CAPRIN2: variants seen among roughly 807,000 people sequenced by gnomAD.
CAPRIN2 encodes caprin family member 2.
Under a neutral mutation model 130.4 loss-of-function variants are expected in CAPRIN2, and 66 were observed. That is an observed-to-expected ratio of 0.51 (90% CI 0.42 to 0.62). CAPRIN2 has a LOEUF of 0.62. Ranked by LOEUF, CAPRIN2 falls within the 20% of genes least tolerant of loss-of-function variation. The pLI, the probability that CAPRIN2 is intolerant of heterozygous loss-of-function variation, is 0.00. For synonymous variants in CAPRIN2, 471 were observed against 444.1 expected (o/e 1.06, Z -0.76); for missense variants, 1,185 against 1,246.6 (o/e 0.95, Z 0.74).
intron 3 of CAPRIN2, among the ~76,000 whole-genome samples, chr12:30,737,598 CTTTTTTT>C (rs11304850): frequency 1.5e-5 from 2 of 131,244 alleles, no homozygotes; most frequent in Non-Finnish European, 3.2e-5. Flanking sequence ...AACTGGTTTT[CTTTTTTT>C]TTTTTTTTTT....
chr12:30,754,628 C>A, upstream of CAPRIN2: 1 of 152,608 alleles, frequency 6.6e-6, no homozygotes, highest in South Asian at 2.0e-4. Context: ...CCCGCCCCGC[C>A]CCGGGGATGC....
chr12:30,712,903 G>A (rs889899792), intron 15 of CAPRIN2, among the ~76,000 whole-genome samples: 2 of 152,060 alleles, frequency 1.3e-5, no homozygotes, highest in Admixed American at 6.6e-5. Context: ...ACCACGTCCG[G>A]CTAATTTTGA....
Position 30,711,891 on chromosome 12 carries a change from T to C in CAPRIN2, c.2602-262A>G, listed in dbSNP as rs1591891780. On this transcript the variant is annotated intron_variant, in intron 15 of 16. Coordinates refer to ENST00000298892, the Ensembl canonical transcript of CAPRIN2. ...GAAAAACAACAAAGCACTTGGAGAA[T>C]ACTATGTAAAAGATACAATGCTAGG... 3.5e-5 allele frequency: 21 copies of C among 596,302 alleles called. 1 individual carries two copies. In the East Asian group the frequency reaches 7.6e-4, roughly 22 times the overall value. 36.9% of individuals were successfully genotyped at this position (596,302 alleles called of 1,614,324 possible). A position where few individuals can be genotyped will look rare whatever the true frequency, so the allele number is the denominator to read the frequency against.
chr12:30,715,592 GTAA>G (rs769788377), intron 13 of CAPRIN2: 15 of 370,294 alleles, frequency 4.1e-5, no homozygotes, highest in Non-Finnish European at 4.7e-5. Flanking sequence ...GTGGACAGTG[GTAA>G]TAATTACACA....
chr12:30,754,818 G>C (rs1197034315), upstream of CAPRIN2: 5 of 151,850 alleles, frequency 3.3e-5, no homozygotes, highest in South Asian at 8.0e-4. Context: ...GGGGAGGCAG[G>C]AGCGCTGCGG....
rs2060804732 is a variant in CAPRIN2 at position 30,725,927 on chromosome 12, C to T, written c.1905+39G>A. The T allele has an allele frequency of 2.0e-6, 3 of 1,472,330 alleles. No homozygotes were observed. The African/African-American group carries it at 4.3e-5, about 21-fold the overall frequency. The allele number at this position is 1,472,330 out of a possible 1,614,324, so 91.2% of individuals were successfully genotyped here. A position where few individuals can be genotyped will look rare whatever the true frequency, so the allele number is the denominator to read the frequency against. ...CACTGTAATGTTTCCAGTCAGAAGC[C>T]CCATGAATATCATTTAAGATTTTGT... On this transcript the variant is annotated intron_variant, in intron 9 of 16. Coordinates refer to ENST00000298892, the Ensembl canonical transcript of CAPRIN2.
intron 9 of CAPRIN2, 86 bp from the exon 11 acceptor site, chr12:30,724,537 A>G (rs1293404956): frequency 4.6e-6 from 4 of 874,900 alleles, no homozygotes; most frequent in Non-Finnish European, 7.5e-6. Flanking sequence ...GATGCTGCCT[A>G]TAGTCTATTA....
chr12:30,733,812 C>A, intron 4 of CAPRIN2, 101 bp from the exon 6 acceptor site: 1 of 774,984 alleles, frequency 1.3e-6, no homozygotes, highest in South Asian at 1.6e-5. Flanking sequence ...ACAAGACATT[C>A]AAATGTTAAT....
exon 1 of CAPRIN2, chr12:30,753,884 A>G: frequency 1.1e-6 from 1 of 907,452 alleles, no homozygotes; most frequent in Admixed American, 2.4e-5. Context: ...AAGAACTGCA[A>G]CGGCTTCAGA....
At chr12:30,747,346 A>G (rs1477805114) in intron 2 of CAPRIN2, among the ~76,000 whole-genome samples, 1 of 152,220 alleles carries the variant, frequency 6.6e-6, no homozygotes, top group African/African-American at 2.4e-5. Context: ...TCTGCAGCCC[A>G]TGGATCAAGG....
At chr12:30,716,486 A>T in intron 13 of CAPRIN2, 22 bp downstream of exon 15, 1 of 1,609,158 alleles carries the variant, frequency 6.2e-7, no homozygotes, top group South Asian at 1.1e-5. Context: ...AGTCTTCCAA[A>T]TATCATATGC....
chr12:30,739,981 A>G (rs1293552196), intron 3 of CAPRIN2, among the ~76,000 whole-genome samples: 4 of 152,248 alleles, frequency 2.6e-5, no homozygotes, highest in Non-Finnish European at 4.4e-5. Context: ...AAAATTTTAA[A>G]TATCATAAAA....
At chr12:30,730,354 T>G in intron 6 of CAPRIN2, 72 bp from the exon 8 acceptor site, 1 of 1,033,410 alleles carries the variant, frequency 9.7e-7, no homozygotes, top group Non-Finnish European at 1.5e-6. Flanking sequence ...CAACTATAAT[T>G]CATTCTAGCA....
intron 12 of CAPRIN2, among the ~76,000 whole-genome samples, chr12:30,717,717 T>A (rs748825317): frequency 6.6e-6 from 1 of 152,062 alleles, no homozygotes; most frequent in Non-Finnish European, 1.5e-5. Context: ...TATACAAGGG[T>A]AAGGGGTCTT....
intron 2 of CAPRIN2, among the ~76,000 whole-genome samples, chr12:30,744,970 G>A (rs1304883257): frequency 1.3e-5 from 2 of 152,124 alleles, no homozygotes; most frequent in South Asian, 2.1e-4. Context: ...AAGACACCAC[G>A]GACAAGAGGA....
At chr12:30,751,581 G>A (rs1035909028) in intron 1 of CAPRIN2, 2 of 187,438 alleles carry the variant, frequency 1.1e-5, no homozygotes, top group African/African-American at 2.3e-5. Context: ...TAGAGGCCAG[G>A]GATGCTGCCA....
rs7958382 is a variant in CAPRIN2 at position 30,747,672 on chromosome 12, C to T, written c.483+3399G>A. On this transcript the variant is annotated intron_variant, in intron 2 of 16. Coordinates refer to ENST00000298892, the Ensembl canonical transcript of CAPRIN2. ...AGCCTGGACAACAAGAGCCAAACACCGTCTCAAAAAAAAAAAAAGAAAAGA... is the reference window on the plus strand; with the variant it reads ...AGCCTGGACAACAAGAGCCAAACACTGTCTCAAAAAAAAAAAAAGAAAAGA... Among the ~76,000 whole-genome samples the T allele has an allele frequency of 6.9e-3, 1,027 of 149,548 alleles. 8 individuals are homozygous for T. Among genetic ancestry groups the T allele is most frequent in the African/African-American group, 0.024 (975 of 40,666 alleles).
chr12:30,740,768 ATACAT>A (rs989006076), intron 3 of CAPRIN2, among the ~76,000 whole-genome samples: 2 of 152,236 alleles, frequency 1.3e-5, no homozygotes, highest in African/African-American at 2.4e-5. Context: ...ATTAAATAAC[ATACAT>A]TAGATAACTA....
intron 15 of CAPRIN2, 27 bp from the exon 18 acceptor site, chr12:30,711,656 T>C (rs754759366): frequency 1.3e-6 from 2 of 1,587,414 alleles, no homozygotes; most frequent in Admixed American, 1.7e-5. Context: ...ATATTTACCT[T>C]GGCATCAAAA....
Sources: allele counts gnomAD v4.1 joint callset (sites outside exome capture counted in the v4.1 genomes callset), GRCh38; gene constraint gnomAD v4.1.1; transcripts MANE v1.5; gene names NCBI Gene and HGNC (gene_info 2026-07-23, HGNC 2026-07-21).